DPYSL3: variants seen among roughly 807,000 people sequenced by gnomAD.
DPYSL3 encodes dihydropyrimidinase-related protein 3.
In DPYSL3, 16 loss-of-function variants were observed where a neutral mutation model predicts 66.1. The ratio of observed to expected loss-of-function variants is 0.24; its 90% CI spans 0.16 to 0.37. The LOEUF is 0.37. Ranked by LOEUF, DPYSL3 falls within the 10% of genes least tolerant of loss-of-function variation. The pLI is 1.00. For synonymous variants in DPYSL3, 338 were observed against 345.1 expected, an observed-to-expected ratio of 0.98 and a Z score of 0.23; for missense variants, 738 against 916.2, an observed-to-expected ratio of 0.81 and a Z score of 2.51.
At chr5:147,414,590 C>A (rs758094980) in intron 4 of DPYSL3, among the ~76,000 whole-genome samples, 6 of 152,182 alleles carry the variant, frequency 3.9e-5, no homozygotes, top group Non-Finnish European at 8.8e-5. Flanking sequence ...TCCCAAAAGC[C>A]TCTACATTAT....
chr5:147,507,342 A>AT (rs112908394), intron 1 of DPYSL3, among the ~76,000 whole-genome samples: 2,493 of 146,136 alleles, frequency 0.017, 71 homozygotes, highest in East Asian at 0.096. Context: ...TTTGGGCTTA[A>AT]TTTTTTTTTT....
intron 7 of DPYSL3, 154 bp from the exon 8 acceptor site, chr5:147,405,884 T>G: frequency 1.1e-6 from 1 of 910,584 alleles, no homozygotes. Flanking sequence ...ACATCTCAGA[T>G]CTACCACTTC....
chr5:147,476,538 C>T (rs12652359), intron 1 of DPYSL3, among the ~76,000 whole-genome samples: 6,072 of 152,134 alleles, frequency 0.04, 322 homozygotes, highest in African/African-American at 0.12. Context: ...GGAGTTTTAA[C>T]GCTTCAAAGA....
At chr5:147,433,965 G>A (rs979576460) in intron 1 of DPYSL3, among the ~76,000 whole-genome samples, 2 of 151,702 alleles carry the variant, frequency 1.3e-5, no homozygotes, top group Non-Finnish European at 2.9e-5. Flanking sequence ...GGGAGTCAGA[G>A]GTTGCAGTGA....
intron 1 of DPYSL3, among the ~76,000 whole-genome samples, chr5:147,452,922 CACACAT>C (rs1211987564): frequency 1.5e-4 from 20 of 137,648 alleles, no homozygotes; most frequent in African/African-American, 4.9e-4. Context: ...CACACACACA[CACACAT>C]AAAGTTGATC....
intron 11 of DPYSL3, 140 bp downstream of exon 11, chr5:147,398,942 A>T: frequency 8.5e-7 from 1 of 1,176,328 alleles, no homozygotes; most frequent in Non-Finnish European, 1.2e-6. Context: ...GTTTTGAGCC[A>T]CTGAGATTTA....
intron 8 of DPYSL3, among the ~76,000 whole-genome samples, chr5:147,402,353 TC>T (rs1200113209): frequency 8.3e-5 from 11 of 132,878 alleles, no homozygotes; most frequent in African/African-American, 3.5e-4. Context: ...TTTTTTTTTT[TC>T]TTTTTTTTTT....
chr5:147,491,869 A>C (rs1193604751), intron 1 of DPYSL3, among the ~76,000 whole-genome samples: 4 of 152,144 alleles, frequency 2.6e-5, no homozygotes, highest in African/African-American at 9.6e-5. Flanking sequence ...AAGGAATAAA[A>C]GCAATATTTG....
rs1318174197 is a variant in DPYSL3, at chr5:147,443,868, G to A, written c.382-18905C>T. On this transcript the variant is annotated intron_variant, in intron 1 of 13. Transcript: ENST00000343218. Reference sequence around the variant, plus strand: ...GCAAGTTGTTTGTGTAAGTATAACAGTGTGGAGCAGCTTTGGACATGCCAG... The same window carrying A: ...GCAAGTTGTTTGTGTAAGTATAACAATGTGGAGCAGCTTTGGACATGCCAG... Among the ~76,000 whole-genome samples, 4 of 152,152 alleles carry A rather than the reference G, an allele frequency of 2.6e-5. No individual in the cohort carries two copies. The East Asian group carries it at 7.7e-4, about 29-fold the overall frequency.
At chr5:147,508,736 C>G (rs527530074) in intron 1 of DPYSL3, among the ~76,000 whole-genome samples, 1 of 152,338 alleles carries the variant, frequency 6.6e-6, no homozygotes, top group African/African-American at 2.4e-5. Flanking sequence ...GCATCTCATG[C>G]TAGTTTAATG....
At chr5:147,482,995 G>A (rs970895589) in intron 1 of DPYSL3, among the ~76,000 whole-genome samples, 1 of 152,108 alleles carries the variant, frequency 6.6e-6, no homozygotes, top group Admixed American at 6.5e-5. Context: ...AGCAGCATGG[G>A]GGAACTGCTC....
chr5:147,394,304 C>T (rs936686074), intron 13 of DPYSL3, among the ~76,000 whole-genome samples, 181 bp from the exon 14 acceptor site: 19 of 152,232 alleles, frequency 1.2e-4, no homozygotes, highest in Admixed American at 2.0e-4. Context: ...CTTATGGCCC[C>T]GAAAACTAGC....
chr5:147,456,326 A>C (rs1302104087), intron 1 of DPYSL3, among the ~76,000 whole-genome samples: 3 of 152,194 alleles, frequency 2.0e-5, no homozygotes, highest in Non-Finnish European at 1.5e-5. Flanking sequence ...CCTTGGATAC[A>C]CAGCAGTGCT....
At chr5:147,470,013 T>C (rs79935401) in intron 1 of DPYSL3, among the ~76,000 whole-genome samples, 4,925 of 152,300 alleles carry the variant, frequency 0.032, 278 homozygotes, top group African/African-American at 0.11. Flanking sequence ...GACATCCATT[T>C]TGTCTGAGAC....
At chr5:147,428,759 G>A in intron 1 of DPYSL3, among the ~76,000 whole-genome samples, 1 of 135,724 alleles carries the variant, frequency 7.4e-6, no homozygotes, top group Non-Finnish European at 1.5e-5. Flanking sequence ...GAGAACACAT[G>A]GACACAGGGA....
At chr5:147,470,225 G>T (rs1753066062) in intron 1 of DPYSL3, among the ~76,000 whole-genome samples, 2 of 151,948 alleles carry the variant, frequency 1.3e-5, no homozygotes, top group African/African-American at 4.8e-5. Flanking sequence ...TCCCTTCCTT[G>T]GTGTTGACCT....
intron 1 of DPYSL3, among the ~76,000 whole-genome samples, chr5:147,496,028 A>G (rs954398968): frequency 1.3e-5 from 2 of 152,238 alleles, no homozygotes; most frequent in Admixed American, 6.5e-5. Context: ...CCAAAATAGC[A>G]TGGTACTGGT....
At chr5:147,472,754 T>C (rs569495528) in intron 1 of DPYSL3, 2 of 152,332 alleles carry the variant, frequency 1.3e-5, no homozygotes, top group African/African-American at 4.8e-5. Flanking sequence ...TCATTTCCTG[T>C]CCATATTTCT....
At chr5:147,484,901 T>C (rs1178830472) in intron 1 of DPYSL3, among the ~76,000 whole-genome samples, 1 of 152,212 alleles carries the variant, frequency 6.6e-6, no homozygotes, top group Non-Finnish European at 1.5e-5. Flanking sequence ...TTTCCAAAGA[T>C]TGAGATGGTA....
Sources: gnomAD v4.1 joint callset for allele counts (sites outside exome capture counted in the v4.1 genomes callset) on GRCh38, gnomAD v4.1.1 for gene constraint, MANE v1.5 for transcripts, NCBI Gene and HGNC (gene_info 2026-07-23, HGNC 2026-07-21) for gene names.